GALNT7: variants seen among roughly 807,000 people sequenced by gnomAD.
GALNT7 encodes the protein N-acetylgalactosaminyltransferase 7.
GALNT7 carries 60 observed loss-of-function variants against 82.1 expected under a neutral mutation model. The observed-to-expected ratio is 0.73, with a 90% CI of 0.59 to 0.91. GALNT7 has a LOEUF of 0.91. Among genes scored for constraint, GALNT7 ranks in the 40% least tolerant of loss-of-function variants. The probability of loss-of-function intolerance (pLI) is 0.00; values close to 1 mark genes in which losing one functional copy is unlikely to be tolerated. For missense variants in GALNT7, 660 were observed against 804.2 expected (o/e 0.82, Z 2.17); for synonymous variants, 243 against 275.1 (o/e 0.88, Z 1.15).
At position 173,320,020 on chromosome 4, in the gene GALNT7, T is replaced by G. The variant is rs1297404511; in HGVS notation, c.1836+1461T>G. Reference sequence around the variant, plus strand: ...ATTCAAAGAATTGTATTTCATTTGGTATCCCTCAATTGTGCTTTGGAGGAA... The same window carrying G: ...ATTCAAAGAATTGTATTTCATTTGGGATCCCTCAATTGTGCTTTGGAGGAA... On this transcript the variant is annotated intron_variant, in intron 11 of 11. Transcript: ENST00000265000. The surrounding 1 kb of genome is among the most constrained non-coding windows in gnomAD (Gnocchi z 4.1). Among the ~76,000 whole-genome samples the G allele has an allele frequency of 1.3e-5, 2 of 152,202 alleles. No homozygotes were observed. Among genetic ancestry groups the G allele is most frequent in the African/African-American group, 4.8e-5 (2 of 41,460 alleles).
chr4:173,253,255 T>C (rs1349018097), intron 2 of GALNT7, among the ~76,000 whole-genome samples: 6 of 152,094 alleles, frequency 3.9e-5, no homozygotes, highest in Non-Finnish European at 7.4e-5. Context: ...GGGAAGACCC[T>C]GAAGGATGAG....
chr4:173,225,999 A>G (rs759778920), intron 1 of GALNT7, among the ~76,000 whole-genome samples: 2 of 152,068 alleles, frequency 1.3e-5, no homozygotes, highest in African/African-American at 4.8e-5. Context: ...GCATTGACCC[A>G]TCGCTGTGTG....
chr4:173,181,728 T>C (rs577539034), intron 1 of GALNT7, among the ~76,000 whole-genome samples: 2 of 152,222 alleles, frequency 1.3e-5, no homozygotes, highest in Non-Finnish European at 2.9e-5. Flanking sequence ...GGTCCTGCTG[T>C]TTGCTTAGCC....
At chr4:173,289,343 C>T (rs1192298726) in intron 2 of GALNT7, among the ~76,000 whole-genome samples, 1 of 152,146 alleles carries the variant, frequency 6.6e-6, no homozygotes, top group African/African-American at 2.4e-5. Context: ...GAACTAGTAC[C>T]TGGCTTCTTT....
intron 11 of GALNT7, 39 bp from the exon 12 acceptor site, chr4:173,321,541 G>T: frequency 6.6e-7 from 1 of 1,521,760 alleles, no homozygotes. Context: ...TGATATCAAG[G>T]GTCCAAATTT....
At chr4:173,293,086 A>G (rs569909793) in intron 3 of GALNT7, among the ~76,000 whole-genome samples, 173 of 152,308 alleles carry the variant, frequency 1.1e-3, no homozygotes, top group African/African-American at 3.7e-3. Context: ...ATCTAAATGT[A>G]TAAAATAACT....
rs1737906212 is a variant in GALNT7 at position 173,323,729 on chromosome 4, C to T, written c.*2012C>T. 1 of 152,572 alleles carries T rather than the reference C, an allele frequency of 6.6e-6. No individual in the cohort carries two copies. The highest frequency in any genetic ancestry group is 2.4e-5 in the African/African-American group (1 of 41,434). The allele number at this position is 152,572 out of a possible 1,614,324, so 9.5% of individuals were successfully genotyped here. On this transcript the variant is annotated 3_prime_UTR_variant, in exon 12 of 12. Transcript: ENST00000265000. Reference sequence around the variant, plus strand: ...CTGCTGCCATAATGACTATTTTCTACTGTAGGCTGCTTTGGAAATAATTCC... The same window carrying T: ...CTGCTGCCATAATGACTATTTTCTATTGTAGGCTGCTTTGGAAATAATTCC...
chr4:173,199,977 A>G (rs183144548), intron 1 of GALNT7, among the ~76,000 whole-genome samples: 2 of 152,344 alleles, frequency 1.3e-5, no homozygotes, highest in East Asian at 3.9e-4. Flanking sequence ...TTAGTACATT[A>G]TTGATCTCTA....
At chr4:173,176,144 G>A (rs989240204) in intron 1 of GALNT7, among the ~76,000 whole-genome samples, 2 of 152,178 alleles carry the variant, frequency 1.3e-5, no homozygotes, top group Non-Finnish European at 2.9e-5. Context: ...GTCAGGGAAG[G>A]TGATGGCCAG....
chr4:173,233,927 A>C (rs545162271), intron 1 of GALNT7, among the ~76,000 whole-genome samples: 48 of 152,298 alleles, frequency 3.2e-4, no homozygotes, highest in African/African-American at 1.1e-3. Context: ...AAATTTTTCA[A>C]AAAATGTTGT....
intron 2 of GALNT7, among the ~76,000 whole-genome samples, chr4:173,264,217 G>T (rs1341458392): frequency 6.6e-6 from 1 of 152,074 alleles, no homozygotes; most frequent in Non-Finnish European, 1.5e-5. Context: ...TCTAATGATT[G>T]TAAAACGTTA....
intron 8 of GALNT7, among the ~76,000 whole-genome samples, chr4:173,306,318 C>T: frequency 6.6e-6 from 1 of 152,154 alleles, no homozygotes; most frequent in East Asian, 1.9e-4. Context: ...ATTATGTCAT[C>T]TGCAGAGACA....
intron 5 of GALNT7, among the ~76,000 whole-genome samples, chr4:173,297,579 A>G (rs887112191): frequency 1.3e-5 from 2 of 152,216 alleles, no homozygotes; most frequent in Admixed American, 6.5e-5. Context: ...TGTCCCTGAC[A>G]TTTGTCTGTA....
chr4:173,181,475 A>T (rs564019652), intron 1 of GALNT7, among the ~76,000 whole-genome samples: 1 of 152,366 alleles, frequency 6.6e-6, no homozygotes, highest in African/African-American at 2.4e-5. Flanking sequence ...CTAAAAATAT[A>T]CTAAGAAAGG....
intron 9 of GALNT7, among the ~76,000 whole-genome samples, chr4:173,314,624 A>G (rs1218121739): frequency 6.6e-6 from 1 of 152,208 alleles, no homozygotes; most frequent in Non-Finnish European, 1.5e-5. Context: ...TGAGTGCTTC[A>G]GGACCTTGAT....
At position 173,323,058 on chromosome 4, in the gene GALNT7, T is replaced by C. The variant is rs768992199; in HGVS notation, c.*1341T>C. ...TAGGAAAACCAAATATTGCAAATGG[T>C]CAATTCGATTTTAATTTCTCAAAAG... On this transcript the variant is annotated 3_prime_UTR_variant, in exon 12 of 12. Coordinates refer to ENST00000265000, the MANE Select transcript of GALNT7 (RefSeq NM_017423.3). The C allele has an allele frequency of 6.6e-6, 1 of 151,326 alleles. No individual in the cohort carries two copies. Among genetic ancestry groups the C allele is most frequent in the Non-Finnish European group, 1.5e-5 (1 of 67,848 alleles). The allele number at this position is 151,326 out of a possible 1,614,324, so 9.4% of individuals were successfully genotyped here.
At chr4:173,265,209 A>G (rs1191252554) in intron 2 of GALNT7, among the ~76,000 whole-genome samples, 1 of 152,130 alleles carries the variant, frequency 6.6e-6, no homozygotes, top group Non-Finnish European at 1.5e-5. Flanking sequence ...AAGCTCAACC[A>G]TGCTAGCATT....
chr4:173,253,125 C>T (rs1310382328), intron 2 of GALNT7, among the ~76,000 whole-genome samples: 3 of 152,024 alleles, frequency 2.0e-5, no homozygotes, highest in Non-Finnish European at 2.9e-5. Context: ...TCCCTTGAGC[C>T]TAGGAGGCAG....
At position 173,189,594 on chromosome 4, in the gene GALNT7, T is replaced by C. The variant is rs372095462; in HGVS notation, c.126+20633T>C. Among the ~76,000 whole-genome samples, 71 of 152,378 alleles carry C rather than the reference T, an allele frequency of 4.7e-4. 1 individual carries two copies. The East Asian group carries it at 0.013, about 29-fold the overall frequency. ...TATTAGTTGGATAAATTTTTCTGCA[T>C]AGGCAAGATTGAATGAAGTGCTTTA... On this transcript the variant is annotated intron_variant, in intron 1 of 11. Coordinates refer to ENST00000265000, the MANE Select transcript of GALNT7 (RefSeq NM_017423.3).
Sources: allele counts gnomAD v4.1 joint callset (sites outside exome capture counted in the v4.1 genomes callset), GRCh38; gene constraint gnomAD v4.1.1; non-coding constraint Gnocchi (gnomAD v3.1); transcripts MANE v1.5; gene names NCBI Gene and HGNC (gene_info 2026-07-23, HGNC 2026-07-21).